The following STARD9 variants were observed in gnomAD, a reference collection of about 807,000 sequenced individuals.
STARD9 encodes stAR-related lipid transfer protein 9.
In STARD9, 346 loss-of-function variants were observed where a neutral mutation model predicts 399.8. The ratio of observed to expected loss-of-function variants is 0.87; its 90% confidence interval spans 0.79 to 0.95. The LOEUF (loss-of-function observed/expected upper bound fraction) is 0.95, where lower values mean the gene tolerates loss of function less well. Ranked by LOEUF, STARD9 falls within the 40% of genes least tolerant of loss-of-function variation. The probability of loss-of-function intolerance (pLI) is 0.00; values close to 1 mark genes in which losing one functional copy is unlikely to be tolerated. For synonymous variants in STARD9, 2,203 were observed against 2,143.5 expected (o/e 1.03, Z -0.77); for missense variants, 5,832 against 5,667.5 (o/e 1.03, Z -0.93).
At chr15:42,712,812 G>A (rs549644430) in intron 26 of STARD9, among the ~76,000 whole-genome samples, 153 of 152,314 alleles carry the variant, frequency 1.0e-3, no homozygotes, top group Non-Finnish European at 1.7e-3. Flanking sequence ...GATGACAGGT[G>A]TGAGCTGTTG....
intron 7 of STARD9, among the ~76,000 whole-genome samples, chr15:42,648,188 A>G (rs2059683785): frequency 6.6e-6 from 1 of 152,116 alleles, no homozygotes; most frequent in South Asian, 2.1e-4. Flanking sequence ...TTTGAGATGG[A>G]GTCTTGCTCT....
At chr15:42,679,117 A>G (rs1197048641) in intron 20 of STARD9, among the ~76,000 whole-genome samples, 2 of 152,226 alleles carry the variant, frequency 1.3e-5, no homozygotes, top group Admixed American at 1.3e-4. Context: ...GGGAGTTCAG[A>G]TAAAGACCCT....
intron 15 of STARD9, among the ~76,000 whole-genome samples, chr15:42,666,206 C>T (rs1324754355): frequency 6.6e-6 from 1 of 152,124 alleles, no homozygotes; most frequent in African/African-American, 2.4e-5. Flanking sequence ...GGTCCCTGCC[C>T]TCATATGGTT....
rs530988461 is a variant in STARD9, at chr15:42,680,428, T to C, written c.1875-994T>C. 2.0e-4 allele frequency among the ~76,000 whole-genome samples: 31 copies of C among 152,018 alleles called. No individual in the cohort carries two copies. The South Asian group carries it at 6.3e-3, about 31-fold the overall frequency. The stretch of plus-strand genomic sequence containing the variant: ...CAGCCTGGCCAACATGGTAAAATCC[T>C]GTCTCTACTAAAAATACAAAAATTA... On this transcript the variant is annotated intron_variant, in intron 20 of 32. Transcript: ENST00000290607.
chr15:42,685,460 ACCCCATTGTGAGCTCCAG>A lies in STARD9; in HGVS notation c.3896_3913del (p.Leu1299_Glu1304del), dbSNP rs767293399. ...AGCTCCAACCCCATTGTGAGCTCCAACCCCATTGTGAGCTCCAGCCCCATTGTGAGCAGGCTGAATCAC... is the reference window on the plus strand; with the variant it reads ...AGCTCCAACCCCATTGTGAGCTCCAACCCCATTGTGAGCAGGCTGAATCAC... On this transcript the variant is annotated inframe_deletion, in exon 23 of 33. Coordinates refer to ENST00000290607, the MANE Select transcript of STARD9 (RefSeq NM_020759.3). The A allele has an allele frequency of 6.5e-4, 994 of 1,534,644 alleles. No individual in the cohort carries two copies. Among genetic ancestry groups the A allele is most frequent in the African/African-American group, 4.9e-3 (357 of 72,644 alleles).
At chr15:42,647,007 A>G (rs1045501355) in intron 7 of STARD9, among the ~76,000 whole-genome samples, 2 of 152,208 alleles carry the variant, frequency 1.3e-5, no homozygotes, top group Non-Finnish European at 2.9e-5. Flanking sequence ...ATATACATTT[A>G]TCAATTAAGT....
chr15:42,710,913 C>CTG (rs67998439), intron 26 of STARD9, among the ~76,000 whole-genome samples: 4 of 144,678 alleles, frequency 2.8e-5, no homozygotes, highest in Non-Finnish European at 5.9e-5. Context: ...CTCTCTCTCT[C>CTG]TGTGTGTGTG....
intron 3 of STARD9, among the ~76,000 whole-genome samples, chr15:42,623,901 A>T (rs2059142908): frequency 6.6e-6 from 1 of 152,262 alleles, no homozygotes; most frequent in South Asian, 2.1e-4. Flanking sequence ...CAGGGATAGT[A>T]TCTGGTCCAC....
At chr15:42,623,327 T>G (rs1212693381) in intron 3 of STARD9, among the ~76,000 whole-genome samples, 4 of 152,220 alleles carry the variant, frequency 2.6e-5, no homozygotes, top group South Asian at 2.1e-4. Flanking sequence ...CACAGTCATT[T>G]TCCTTTCTCC....
chr15:42,685,053 C>T lies in STARD9; in HGVS notation c.3475C>T (p.Pro1159Ser). ...DSLAEKRYQSPKNRLGGNRPT... is the reference protein window; with the variant it reads ...DSLAEKRYQSSKNRLGGNRPT... ...ACTGGCTGAGAAGAGGTACCAAAGC[C>T]CCAAAAACAGGCTAGGGGGCAATCG... is the stretch of plus-strand genomic sequence containing the variant. Residue 1159 changes from proline (P) to serine (S), a missense_variant, in exon 23 of 33, where the codon CCC becomes TCC. Around this residue, in one of 2 missense-constraint regions of STARD9, gnomAD observed 5,828 missense variants for 5,651.1 expected, o/e 1.03. Transcript: ENST00000290607. 1.3e-6 allele frequency: 2 copies of T among 1,537,210 alleles called. No individual in the cohort carries two copies. The highest frequency in any genetic ancestry group is 1.7e-6 in the Non-Finnish European group (2 of 1,146,924).
At chr15:42,645,263 G>T (rs2059624054) in intron 7 of STARD9, among the ~76,000 whole-genome samples, 1 of 152,172 alleles carries the variant, frequency 6.6e-6, no homozygotes, top group Non-Finnish European at 1.5e-5. Flanking sequence ...TTTATGAAAT[G>T]TATTTCTTAA....
At chr15:42,643,402 G>A (rs2059579400) in intron 7 of STARD9, among the ~76,000 whole-genome samples, 1 of 152,084 alleles carries the variant, frequency 6.6e-6, no homozygotes, top group African/African-American at 2.4e-5. Context: ...CACCATATTG[G>A]TCAGGCTGGT....
At chr15:42,696,112 C>T (rs2060841743) in intron 26 of STARD9, among the ~76,000 whole-genome samples, 1 of 152,214 alleles carries the variant, frequency 6.6e-6, no homozygotes, top group Admixed American at 6.5e-5. Flanking sequence ...TTTTAGGATA[C>T]AGCGGTGAGC....
intron 3 of STARD9, among the ~76,000 whole-genome samples, chr15:42,588,425 G>A (rs531975840): frequency 6.6e-6 from 1 of 152,302 alleles, no homozygotes; most frequent in Non-Finnish European, 1.5e-5. Context: ...CAGACAGGAA[G>A]CCTGTGCAGA....
chr15:42,647,288 A>G (rs1313692165), intron 7 of STARD9, among the ~76,000 whole-genome samples: 1 of 152,132 alleles, frequency 6.6e-6, no homozygotes, highest in Non-Finnish European at 1.5e-5. Context: ...CTGTACCCCT[A>G]TTGATTTTAT....
chr15:42,670,154 C>T (rs2060177325), intron 16 of STARD9: 1 of 152,180 alleles, frequency 6.6e-6, no homozygotes, highest in East Asian at 1.9e-4. Context: ...TCTGACACTT[C>T]CCCACTTCAT....
intron 1 of STARD9, among the ~76,000 whole-genome samples, 155 bp from the exon 2 acceptor site, chr15:42,583,191 T>A (rs1319229583): frequency 1.3e-5 from 2 of 152,218 alleles, no homozygotes; most frequent in African/African-American, 4.8e-5. Flanking sequence ...GCTAGGGGAC[T>A]GCTTGATGCG....
intron 26 of STARD9, among the ~76,000 whole-genome samples, chr15:42,706,205 A>C (rs930256575): frequency 1.3e-5 from 2 of 152,184 alleles, no homozygotes; most frequent in African/African-American, 4.8e-5. Context: ...ACTAGGTTCA[A>C]GCTTTCTTTT....
chr15:42,629,221 A>G (rs752270911), intron 3 of STARD9, among the ~76,000 whole-genome samples: 1 of 152,086 alleles, frequency 6.6e-6, no homozygotes, highest in African/African-American at 2.4e-5. Flanking sequence ...AGGTCTCACC[A>G]TGTTGCCAGG....
Sources: allele counts gnomAD v4.1 joint callset (sites outside exome capture counted in the v4.1 genomes callset), GRCh38; gene constraint gnomAD v4.1.1; regional missense constraint gnomAD v4.1.1; transcripts MANE v1.5; gene names NCBI Gene and HGNC (gene_info 2026-07-23, HGNC 2026-07-21).